The following BEND2 variants were observed in gnomAD, a reference collection of about 807,000 sequenced individuals.
BEND2 encodes BEN domain containing 2.
A neutral mutation model predicts 43.8 loss-of-function variants in BEND2; 19 were observed. The ratio of observed to expected loss-of-function variants is 0.43; its 90% confidence interval spans 0.30 to 0.64. BEND2 has a LOEUF of 0.64. BEND2 is among the 30% of genes least tolerant of loss of function. The pLI, the probability that BEND2 is intolerant of heterozygous loss-of-function variation, is 0.11. For missense variants in BEND2, 544 were observed against 574.0 expected, an observed-to-expected ratio of 0.95 and a Z score of 0.53; for synonymous variants, 226 against 210.1, an observed-to-expected ratio of 1.08 and a Z score of -0.66.
At chrX:18,183,032 A>ACTC (rs1207790280) in intron 8 of BEND2, among the ~76,000 whole-genome samples, 1 of 78,362 alleles carries the variant, frequency 1.3e-5, no homozygotes, top group Admixed American at 1.6e-4. Flanking sequence ...ACAGAGCGAG[A>ACTC]CTCTGTCTCC....
chrX:18,215,699 C>T (rs192056437), intron 2 of BEND2, among the ~76,000 whole-genome samples: 3 of 112,366 alleles, frequency 2.7e-5, no homozygotes, highest in Non-Finnish European at 5.6e-5. Context: ...AAGCAGAGAA[C>T]TTATGGCCTG....
chrX:18,186,726 C>T (rs777839700), intron 8 of BEND2, among the ~76,000 whole-genome samples: 33 of 108,519 alleles, frequency 3.0e-4, no homozygotes, highest in African/African-American at 1.1e-3. Context: ...TTTGGGAGGC[C>T]GAGGTGGGAG....
chrX:18,201,231 T>C (rs1283186518), intron 6 of BEND2, among the ~76,000 whole-genome samples: 1 of 107,164 alleles, frequency 9.3e-6, no homozygotes, highest in East Asian at 3.0e-4. Context: ...TCGTCTCTAC[T>C]AAAAATACAA....
chrX:18,179,904 C>T (rs1425284613), intron 9 of BEND2, among the ~76,000 whole-genome samples: 4 of 112,391 alleles, frequency 3.6e-5, no homozygotes, highest in East Asian at 5.6e-4. Context: ...AGGCCAGTTA[C>T]GGTGGCTCAT....
rs765514632 is a variant in BEND2, at chrX:18,165,064, T to C, written c.2345A>G (p.Glu782Gly). The change falls in exon 14 of 14, where the codon GAG (glutamate) becomes GGG (glycine). Residue 782 changes from glutamate to glycine, a missense_variant. By Grantham distance (98) the Glu-to-Gly change is moderately conservative. This residue lies in a region of BEND2 where 43 missense variants were observed against 72.4 expected (regional missense o/e 0.59). Transcript: ENST00000380033. ...TCCTGGCTTTGACTCCTGCTCCAGC[T>C]CTGGAGGGGTCACTGCTGGAAGCGA... ...SQSLPAVTPP[E>G]LEQESKPGDP... 9 of 1,207,749 alleles carry C rather than the reference T, an allele frequency of 7.5e-6. No homozygotes were observed. In the African/African-American group the frequency reaches 1.4e-4, roughly 19 times the overall value.
intron 6 of BEND2, among the ~76,000 whole-genome samples, chrX:18,198,342 A>C (rs1197732886): frequency 9.0e-6 from 1 of 110,586 alleles, no homozygotes; most frequent in African/African-American, 3.3e-5. Flanking sequence ...CAATGAACTC[A>C]AACAAATTTA....
chrX:18,198,774 T>G (rs1925044091), intron 6 of BEND2, among the ~76,000 whole-genome samples: 2 of 109,921 alleles, frequency 1.8e-5, no homozygotes, highest in Admixed American at 9.8e-5. Context: ...GTGGCACTAT[T>G]CACAATAGCA....
intron 7 of BEND2, among the ~76,000 whole-genome samples, chrX:18,193,678 A>C (rs1398792780): frequency 8.9e-6 from 1 of 111,901 alleles, no homozygotes; most frequent in African/African-American, 3.2e-5. Context: ...GTTTAAAAAA[A>C]CCTACCACTA....
intron 1 of BEND2, among the ~76,000 whole-genome samples, chrX:18,217,590 CT>C (rs1166149151): frequency 2.7e-5 from 3 of 111,414 alleles, no homozygotes; most frequent in African/African-American, 9.8e-5. Flanking sequence ...GATAAATTGA[CT>C]CTTTTGCCTC....
chrX:18,177,725 G>C lies in BEND2; in HGVS notation c.1474C>G (p.His492Asp). ...GCCATATTTTGTACGGCCAGCAAAT[G>C]GATTTTAAGTACTCTGACATTTCTT... ...PKRNVRVLKI[H>D]LLAVQNMAKP... Residue 492 changes from histidine (H) to aspartate (D), a missense_variant, in exon 10 of 14, where the codon CAT becomes GAT. Transcript: ENST00000380033. 1 of 1,210,190 alleles carries C rather than the reference G, an allele frequency of 8.3e-7. No homozygotes were observed. Among genetic ancestry groups the C allele is most frequent in the Non-Finnish European group, 1.1e-6 (1 of 894,605 alleles).
rs1194812515 is a variant in BEND2, at chrX:18,163,878, A to G, written c.*1131T>C. On this transcript the variant is annotated 3_prime_UTR_variant, in exon 14 of 14. Transcript: ENST00000380033. Reference sequence around the variant, plus strand: ...ACTATTCTGTATTAGCTCTGTTACTAGTAGTTGTAAAAAACTTGTGAAACT... The same window carrying G: ...ACTATTCTGTATTAGCTCTGTTACTGGTAGTTGTAAAAAACTTGTGAAACT... 1 of 112,452 alleles carries G rather than the reference A, an allele frequency of 8.9e-6. No homozygotes were observed. The highest frequency in any genetic ancestry group is 1.9e-5 in the Non-Finnish European group (1 of 53,323). 9.3% of individuals were successfully genotyped at this position (112,452 alleles called of 1,213,427 possible).
At chrX:18,177,811 A>G in intron 9 of BEND2, 42 bp from the exon 10 acceptor site, 1 of 1,078,230 alleles carries the variant, frequency 9.3e-7, no homozygotes, top group Non-Finnish European at 1.3e-6. Context: ...TGGTTTTGTC[A>G]TGCAAGGGTA....
rs1301937534 is a variant in BEND2 at position 18,204,353 on chromosome X, A to G, written c.493-438T>C. Among the ~76,000 whole-genome samples the G allele has an allele frequency of 1.3e-4, 14 of 111,840 alleles. No individual in the cohort carries two copies. In the Admixed American group the frequency reaches 1.3e-3, roughly 11 times the overall value. ...TCTCAGAGTTACTAGTTCTCTATCA[A>G]TTCTAACTGATTTGTGTCTTTAGGA... On this transcript the variant is annotated intron_variant, in intron 4 of 13. Coordinates refer to ENST00000380033, the MANE Select transcript of BEND2 (RefSeq NM_153346.5).
At chrX:18,177,852 T>C (rs1393347260) in intron 9 of BEND2, 83 bp from the exon 10 acceptor site, 1 of 820,307 alleles carries the variant, frequency 1.2e-6, no homozygotes, top group Non-Finnish European at 1.8e-6. Context: ...ATTACACTGA[T>C]TTATTTCTTC....
chrX:18,189,198 TCA>T (rs1491199694), intron 8 of BEND2, among the ~76,000 whole-genome samples: 7 of 34,803 alleles, frequency 2.0e-4, no homozygotes, highest in African/African-American at 6.8e-4. Flanking sequence ...AGAATCCATC[TCA>T]AAAAAAAAAA....
chrX:18,220,563 C>T (rs781212250), intron 1 of BEND2, among the ~76,000 whole-genome samples, 163 bp downstream of exon 1: 1 of 112,396 alleles, frequency 8.9e-6, no homozygotes, highest in Admixed American at 9.4e-5. Flanking sequence ...GCTGAGCAAT[C>T]GGCGGCAGAT....
intron 6 of BEND2, among the ~76,000 whole-genome samples, chrX:18,199,058 G>C (rs1204683950): frequency 1.4e-5 from 1 of 70,693 alleles, no homozygotes; most frequent in African/African-American, 5.3e-5. Flanking sequence ...GTTGTGGGGT[G>C]GGGGGAGGGG....
At chrX:18,201,396 CAAAAAAAAAA>C (rs1227049211) in intron 6 of BEND2, among the ~76,000 whole-genome samples, 1 of 20,626 alleles carries the variant, frequency 4.8e-5, no homozygotes, top group African/African-American at 3.4e-4. Flanking sequence ...AACTCCATCT[CAAAAAAAAAA>C]AAAAAAAAAA....
In BEND2 at chrX:18,202,400, G is replaced by A. The variant is rs187916607; in HGVS notation, c.908-460C>T. On this transcript the variant is annotated intron_variant, in intron 5 of 13. Coordinates refer to ENST00000380033, the MANE Select transcript of BEND2 (RefSeq NM_153346.5). ...TTTCCAAAATTCAGGTGTTGCCAATGTGATCGTATTAAGAAATGGGACCTT... is the reference window on the plus strand; with the variant it reads ...TTTCCAAAATTCAGGTGTTGCCAATATGATCGTATTAAGAAATGGGACCTT... Among the ~76,000 whole-genome samples the A allele has an allele frequency of 4.4e-5, 5 of 112,368 alleles. No homozygotes were observed. In the East Asian group the frequency reaches 1.4e-3, roughly 31 times the overall value.
Sources: allele counts gnomAD v4.1 joint callset (sites outside exome capture counted in the v4.1 genomes callset), GRCh38; gene constraint gnomAD v4.1.1; regional missense constraint gnomAD v4.1.1; transcripts MANE v1.5; gene names NCBI Gene and HGNC (gene_info 2026-07-23, HGNC 2026-07-21).